The following CNTN6 variants were observed in gnomAD, a reference collection of about 807,000 sequenced individuals.
CNTN6 encodes contactin 6.
A neutral mutation model predicts 122.8 loss-of-function variants in CNTN6; 137 were observed. The ratio of observed to expected loss-of-function variants is 1.12; its 90% CI spans 0.97 to 1.29. The LOEUF is 1.29. CNTN6 is among the 50% of genes most tolerant of loss of function. The pLI is 0.00. For missense variants in CNTN6, 1,634 were observed against 1,223.4 expected (o/e 1.34, Z -5.01); for synonymous variants, 570 against 426.0 (o/e 1.34, Z -4.16).
chr3:1,397,569 A>G (rs552901038), intron 20 of CNTN6, among the ~76,000 whole-genome samples: 1 of 152,166 alleles, frequency 6.6e-6, no homozygotes, highest in African/African-American at 2.4e-5. Context: ...CATTACTTAA[A>G]TGGAATTTAG....
intron 11 of CNTN6, among the ~76,000 whole-genome samples, chr3:1,342,226 T>A (rs1162308498): frequency 6.6e-6 from 1 of 152,042 alleles, no homozygotes; most frequent in African/African-American, 2.4e-5. Flanking sequence ...GCCTTCCGGG[T>A]TCAAGCAATT....
chr3:1,320,600 A>G (rs1329480103), intron 7 of CNTN6, among the ~76,000 whole-genome samples: 1 of 151,736 alleles, frequency 6.6e-6, no homozygotes, highest in African/African-American at 2.4e-5. Context: ...ATTAATTTGA[A>G]ATATAATTAG....
At chr3:1,239,005 T>C (rs1177456320) in intron 4 of CNTN6, among the ~76,000 whole-genome samples, 1 of 152,162 alleles carries the variant, frequency 6.6e-6, no homozygotes, top group Non-Finnish European at 1.5e-5. Flanking sequence ...AAGGCTACTA[T>C]GAACACCTTC....
rs772745126 is a variant in CNTN6, at chr3:1,374,011, G to A, written c.2033G>A (p.Gly678Asp). The A allele has an allele frequency of 1.2e-6, 2 of 1,613,110 alleles. No homozygotes were observed. Among genetic ancestry groups the A allele is most frequent in the South Asian group, 2.2e-5 (2 of 91,058 alleles). Residue 678 changes from glycine to aspartate, a missense_variant, in exon 16 of 23, where the codon GGC becomes GAC. Coordinates refer to ENST00000446702, the MANE Select transcript of CNTN6 (RefSeq NM_001289080.2). ...GAATATGAATTTCGTGTTGTTGCCG[G>A]CAACAGCATTGGGATTGGAGAACCA... ...WVEYEFRVVAGNSIGIGEPSE... is the reference protein window; with the variant it reads ...WVEYEFRVVADNSIGIGEPSE...
At chr3:1,289,003 G>A (rs1010434296) in intron 5 of CNTN6, among the ~76,000 whole-genome samples, 1 of 152,160 alleles carries the variant, frequency 6.6e-6, no homozygotes, top group Admixed American at 6.5e-5. Flanking sequence ...CAGCTCTAAT[G>A]CTACTGCTGA....
chr3:1,279,913 T>A (rs1393122356), intron 5 of CNTN6, among the ~76,000 whole-genome samples: 1 of 152,208 alleles, frequency 6.6e-6, no homozygotes, highest in African/African-American at 2.4e-5. Context: ...CCTGATATGA[T>A]AGGGAAGAGT....
intron 19 of CNTN6, among the ~76,000 whole-genome samples, chr3:1,384,065 C>G (rs1692366863): frequency 6.6e-6 from 1 of 152,108 alleles, no homozygotes; most frequent in African/African-American, 2.4e-5. Flanking sequence ...TCAAAGCAAA[C>G]AAATTAACAC....
chr3:1,289,491 C>T (rs1038180024), intron 5 of CNTN6, among the ~76,000 whole-genome samples: 1 of 151,974 alleles, frequency 6.6e-6, no homozygotes. Context: ...TCTCGCAAAT[C>T]CTTGCCATCC....
At chr3:1,223,221 T>G (rs141513539) in intron 3 of CNTN6, among the ~76,000 whole-genome samples, 1 of 152,328 alleles carries the variant, frequency 6.6e-6, no homozygotes, top group East Asian at 1.9e-4. Flanking sequence ...CATAAAAGAA[T>G]CCTTGACTTA....
Position 1,278,409 on chromosome 3 carries a change from C to T in CNTN6, c.359-4C>T. 1.9e-6 allele frequency: 3 copies of T among 1,568,452 alleles called. No individual in the cohort carries two copies. Among genetic ancestry groups the T allele is most frequent in the Middle Eastern group, 1.7e-4 (1 of 5,860 alleles). ...TATAAATCTGCTTTTCTTTGTTTTCCAAGATATTGAAGACTTTGAAACTAA... is the reference window on the plus strand; with the variant it reads ...TATAAATCTGCTTTTCTTTGTTTTCTAAGATATTGAAGACTTTGAAACTAA... On this transcript the variant is annotated splice_polypyrimidine_tract_variant and splice_region_variant and intron_variant, in intron 4 of 22. Transcript: ENST00000446702.
At chr3:1,259,823 A>G (rs1451578406) in intron 4 of CNTN6, among the ~76,000 whole-genome samples, 2 of 152,158 alleles carry the variant, frequency 1.3e-5, no homozygotes, top group African/African-American at 4.8e-5. Context: ...ATCCATGTAT[A>G]ATAATATTTG....
intron 1 of CNTN6, among the ~76,000 whole-genome samples, chr3:1,115,555 C>T (rs1185439440): frequency 6.6e-6 from 1 of 152,114 alleles, no homozygotes; most frequent in Non-Finnish European, 1.5e-5. Flanking sequence ...TGAGACCAGC[C>T]TGGCCAATAT....
intron 11 of CNTN6, among the ~76,000 whole-genome samples, chr3:1,348,792 C>T (rs1411251848): frequency 6.6e-6 from 1 of 151,846 alleles, no homozygotes; most frequent in African/African-American, 2.4e-5. Context: ...CTCTTTATGC[C>T]TGTTTCCTGA....
At chr3:1,307,152 A>G (rs1486227734) in intron 7 of CNTN6, among the ~76,000 whole-genome samples, 1 of 152,162 alleles carries the variant, frequency 6.6e-6, no homozygotes, top group East Asian at 1.9e-4. Flanking sequence ...ATGTGCAATC[A>G]CACATTCTCT....
At chr3:1,095,785 T>C (rs1440870544) in intron 1 of CNTN6, among the ~76,000 whole-genome samples, 1 of 152,212 alleles carries the variant, frequency 6.6e-6, no homozygotes, top group African/African-American at 2.4e-5. Context: ...ACTCCACCCA[T>C]ACCACCTCAA....
chr3:1,149,733 T>C (rs2092799205), intron 2 of CNTN6, among the ~76,000 whole-genome samples: 1 of 152,140 alleles, frequency 6.6e-6, no homozygotes, highest in Non-Finnish European at 1.5e-5. Flanking sequence ...CTCATCAAGG[T>C]GCCCCCAAAT....
At chr3:1,247,396 C>T (rs1279720723) in intron 4 of CNTN6, among the ~76,000 whole-genome samples, 2 of 151,728 alleles carry the variant, frequency 1.3e-5, no homozygotes, top group African/African-American at 2.4e-5. Flanking sequence ...CTAGTAATTA[C>T]TGCAGTCTTA....
intron 4 of CNTN6, among the ~76,000 whole-genome samples, chr3:1,242,543 A>G (rs1420481633): frequency 6.6e-6 from 1 of 152,132 alleles, no homozygotes; most frequent in African/African-American, 2.4e-5. Context: ...GTGCTGTGGG[A>G]TGGGATATGG....
chr3:1,219,867 A>C (rs574453078), intron 2 of CNTN6, among the ~76,000 whole-genome samples: 1 of 152,236 alleles, frequency 6.6e-6, no homozygotes, highest in Non-Finnish European at 1.5e-5. Context: ...AACAAAAATT[A>C]ACCTGGCATG....
Sources: allele counts gnomAD v4.1 joint callset (sites outside exome capture counted in the v4.1 genomes callset), GRCh38; gene constraint gnomAD v4.1.1; transcripts MANE v1.5; gene names NCBI Gene and HGNC (gene_info 2026-07-23, HGNC 2026-07-21).